Variants in CEP152 observed in about 807,000 individuals in gnomAD.
CEP152 encodes the protein centrosomal protein of 152 kDa.
In CEP152, 132 loss-of-function variants were observed where a neutral mutation model predicts 188.9. The ratio of observed to expected loss-of-function variants is 0.70; its 90% CI spans 0.61 to 0.81. The LOEUF is 0.81. CEP152 is among the 30% of genes least tolerant of loss of function. CEP152 has a pLI of 0.00. For synonymous variants in CEP152, 649 were observed against 666.6 expected (o/e 0.97, Z 0.41); for missense variants, 1,914 against 1,969.8 (o/e 0.97, Z 0.54).
At chr15:48,730,915 C>T (rs748359637) in intron 2 of CEP152, among the ~76,000 whole-genome samples, 3 of 152,040 alleles carry the variant, frequency 2.0e-5, no homozygotes, top group East Asian at 1.9e-4. Context: ...CAATATGTTA[C>T]GTAAAATTTC....
chr15:48,767,635 T>A (rs906869218), intron 15 of CEP152, among the ~76,000 whole-genome samples, 172 bp from the exon 16 acceptor site: 2 of 152,196 alleles, frequency 1.3e-5, no homozygotes, highest in African/African-American at 4.8e-5. Context: ...AACAATCTTA[T>A]GAGAATCTTC....
intron 9 of CEP152, among the ~76,000 whole-genome samples, chr15:48,788,173 T>C (rs1896778955): frequency 1.3e-5 from 2 of 152,204 alleles, no homozygotes; most frequent in Admixed American, 6.5e-5. Flanking sequence ...GGTCTGGATT[T>C]ATTCTAGGAC....
At chr15:48,751,196 A>G (rs564615272) in intron 21 of CEP152, among the ~76,000 whole-genome samples, 1 of 152,314 alleles carries the variant, frequency 6.6e-6, no homozygotes, top group South Asian at 2.1e-4. Flanking sequence ...AAGGGAAAAA[A>G]GACTAAAGAA....
At chr15:48,782,372 C>T (rs1435036766) in intron 10 of CEP152, 142 bp from the exon 11 acceptor site, 3 of 720,924 alleles carry the variant, frequency 4.2e-6, no homozygotes, top group African/African-American at 1.8e-5. Context: ...TACATAGAGC[C>T]CATGGGACCC....
chr15:48,772,662 T>C lies in CEP152; in HGVS notation c.1607A>G (p.Glu536Gly). The C allele has an allele frequency of 6.2e-7, 1 of 1,614,114 alleles. No homozygotes were observed. Among genetic ancestry groups the C allele is most frequent in the Non-Finnish European group, 8.5e-7 (1 of 1,180,008 alleles). The change falls in exon 13 of 27, where the codon GAG (glutamate) becomes GGG (glycine). Residue 536 changes from glutamate to glycine, a missense_variant. Transcript: ENST00000380950. ...SIVQEEDPNEELSKDEFILKL... is the reference protein window; with the variant it reads ...SIVQEEDPNEGLSKDEFILKL... ...CAGAATGAACTCATCTTTTGAAAGCTCTTCATTTGGGTCTTCTTCTTGTAC... is the reference window on the plus strand; with the variant it reads ...CAGAATGAACTCATCTTTTGAAAGCCCTTCATTTGGGTCTTCTTCTTGTAC...
chr15:48,757,478 C>T (rs1894361333), intron 19 of CEP152, among the ~76,000 whole-genome samples: 2 of 152,206 alleles, frequency 1.3e-5, no homozygotes, highest in African/African-American at 4.8e-5. Context: ...GCAAAAGTCA[C>T]TTAATCTCTT....
At chr15:48,755,826 A>G (rs1894216123) in intron 20 of CEP152, 77 bp downstream of exon 20, 4 of 1,593,862 alleles carry the variant, frequency 2.5e-6, no homozygotes, top group Admixed American at 3.5e-5. Context: ...TTAAAAGGAA[A>G]AAAGGAAAAA....
chr15:48,785,439 G>A (rs955586082), intron 9 of CEP152, among the ~76,000 whole-genome samples: 5 of 152,170 alleles, frequency 3.3e-5, no homozygotes, highest in South Asian at 2.1e-4. Flanking sequence ...GTTCTAAAGC[G>A]CCAAAGTAAC....
At chr15:48,744,118 G>A in intron 24 of CEP152, 122 bp downstream of exon 24, 1 of 1,464,568 alleles carries the variant, frequency 6.8e-7, no homozygotes, top group African/African-American at 1.4e-5. Context: ...TTTTAAGATT[G>A]AAGAAAAAGG....
Position 48,739,324 on chromosome 15 carries a change from A to G in CEP152, c.4094-36T>C, listed in dbSNP as rs140666664. On this transcript the variant is annotated intron_variant, in intron 26 of 26. Coordinates refer to ENST00000380950, the MANE Select transcript of CEP152 (RefSeq NM_001194998.2). ...CAAGGAAACACGAAATTAAGAGAAA[A>G]TTAATATTTAAAGGGAAGATTCATC... 52 of 1,574,882 alleles carry G rather than the reference A, an allele frequency of 3.3e-5. No homozygotes were observed. In the East Asian group the frequency reaches 1.1e-3, roughly 34 times the overall value.
Position 48,760,286 on chromosome 15 carries a change from A to AAAG in CEP152, c.2563-23_2563-21dup. 6.2e-7 allele frequency: 1 copy of AAAG among 1,613,744 alleles called. No individual in the cohort carries two copies. Among genetic ancestry groups the AAAG allele is most frequent in the Non-Finnish European group, 8.5e-7 (1 of 1,179,800 alleles). On this transcript the variant is annotated intron_variant, in intron 18 of 26. Transcript: ENST00000380950. ...TTCTACCTGTAGGACATTGCAAAAG[A>AAAG]AAGAGGTAAAGGGAAGTATAAAACT...
intron 9 of CEP152, among the ~76,000 whole-genome samples, chr15:48,788,286 A>G (rs1372572589): frequency 6.6e-6 from 1 of 151,290 alleles, no homozygotes; most frequent in Non-Finnish European, 1.5e-5. Flanking sequence ...CCAAAAGTAT[A>G]CCTTTAGGAT....
chr15:48,765,291 C>T (rs1398247705), intron 17 of CEP152, among the ~76,000 whole-genome samples: 2 of 152,014 alleles, frequency 1.3e-5, no homozygotes, highest in Admixed American at 1.3e-4. Context: ...AAACTATAAA[C>T]GTGTTAAAGG....
intron 24 of CEP152, among the ~76,000 whole-genome samples, chr15:48,743,255 C>T (rs1313675588): frequency 2.0e-5 from 3 of 152,254 alleles, no homozygotes; most frequent in South Asian, 4.1e-4. Flanking sequence ...TCTGAATCTA[C>T]CAATTATATT....
chr15:48,771,139 G>A (rs180983968), intron 13 of CEP152, among the ~76,000 whole-genome samples: 1 of 152,108 alleles, frequency 6.6e-6, no homozygotes, highest in East Asian at 1.9e-4. Context: ...ATATGGAAGG[G>A]TAAAAAAAAG....
intron 8 of CEP152, among the ~76,000 whole-genome samples, chr15:48,789,966 C>A (rs1374570510): frequency 6.6e-6 from 1 of 152,184 alleles, no homozygotes; most frequent in Non-Finnish European, 1.5e-5. Context: ...GAAACTAATA[C>A]ACTTGGTGAT....
intron 25 of CEP152, 63 bp from the exon 26 acceptor site, chr15:48,741,767 C>T: frequency 1.2e-6 from 2 of 1,611,494 alleles, no homozygotes; most frequent in African/African-American, 2.7e-5. Flanking sequence ...GCCTTAGCCC[C>T]ATGGTTTCTG....
chr15:48,760,193 A>G lies in CEP152; in HGVS notation c.2636T>C (p.Leu879Pro). 1 of 1,614,066 alleles carries G rather than the reference A, an allele frequency of 6.2e-7. No homozygotes were observed. Among genetic ancestry groups the G allele is most frequent in the Non-Finnish European group, 8.5e-7 (1 of 1,179,976 alleles). Residue 879 changes from leucine (L) to proline (P), a missense_variant, in exon 19 of 27, where the codon CTT becomes CCT. Physicochemically the swap from Leu to Pro is moderately conservative, Grantham distance 98. Transcript: ENST00000380950. The part of the protein sequence containing the change: ...ELPELAEYQA[L>P]VKAEQKKWEE... ...CCACTTTTTCTGTTCTGCCTTCACA[A>G]GTGCTTGATACTCTGCCAGCTCTGG...
At chr15:48,755,330 G>T (rs1003260193) in intron 20 of CEP152, among the ~76,000 whole-genome samples, 4 of 151,432 alleles carry the variant, frequency 2.6e-5, no homozygotes, top group Non-Finnish European at 5.9e-5. Flanking sequence ...GCATTTTTTT[G>T]CCTAAATGAG....
Sources: allele counts gnomAD v4.1 joint callset (sites outside exome capture counted in the v4.1 genomes callset), GRCh38; gene constraint gnomAD v4.1.1; transcripts MANE v1.5; gene names NCBI Gene and HGNC (gene_info 2026-07-23, HGNC 2026-07-21).